APC: variants seen among roughly 807,000 people sequenced by gnomAD.
APC encodes the protein APC regulator of Wnt signaling pathway.
APC carries 72 observed loss-of-function variants against 247.0 expected under a neutral mutation model. That is an observed-to-expected ratio of 0.29 (90% confidence interval 0.24 to 0.35). The LOEUF is 0.35. APC is among the 10% of genes least tolerant of loss of function. The probability of loss-of-function intolerance (pLI) is 1.00; values close to 1 mark genes in which losing one functional copy is unlikely to be tolerated. For missense variants in APC, 3,400 were observed against 3,360.7 expected, an observed-to-expected ratio of 1.01 and a Z score of -0.29; for synonymous variants, 1,254 against 1,162.5, an observed-to-expected ratio of 1.08 and a Z score of -1.60.
At chr5:112,737,820 G>T (rs1581060115), upstream of APC, 2 of 985,068 alleles carry the variant, frequency 2.0e-6, no homozygotes, top group South Asian at 4.7e-5. Context: ...GGAGCCCGCC[G>T]ATTGGCTGGG....
chr5:112,711,005 G>A (rs1388063576), intron 1 of APC, among the ~76,000 whole-genome samples: 2 of 152,286 alleles, frequency 1.3e-5, no homozygotes, highest in East Asian at 1.9e-4. Flanking sequence ...TGTGACCTCC[G>A]AATCACCAAA....
At chr5:112,816,389 A>G (rs1235900008) in intron 9 of APC, among the ~76,000 whole-genome samples, 1 of 152,220 alleles carries the variant, frequency 6.6e-6, no homozygotes, top group Non-Finnish European at 1.5e-5. Flanking sequence ...GGTGAATGGA[A>G]AAATTGTTGA....
rs465899 is a variant in APC at position 112,841,474 on chromosome 5, G to A, written c.5880G>A (p.Pro1960=). 0.63 allele frequency: 1,008,483 copies of A among 1,612,952 alleles called. 318,251 individuals are homozygous for A. Among genetic ancestry groups the A allele is most frequent in the East Asian group, 0.84 (37,588 of 44,848 alleles). ...AGAATTTTGCTATTGAAAATACTCC[G>A]GTTTGCTTTTCTCATAATTCCTCTC... ...KLQNFAIENT[P]VCFSHNSSLS... is the part of the protein sequence containing the mutation. The change falls in exon 16 of 16, where the codon CCG becomes CCA. Residue 1960 remains proline, a synonymous_variant. Transcript: ENST00000257430. This position sits in a 1 kb window ranked among gnomAD's most constrained non-coding sequence, Gnocchi z 4.6.
rs929800912 is a variant in APC at position 112,801,499 on chromosome 5, A to G, written c.834+116A>G. On this transcript the variant is annotated intron_variant, in intron 8 of 15. Coordinates refer to ENST00000257430, the MANE Select transcript of APC (RefSeq NM_000038.6). ...TACCTATTTTCTTAGTCCTGAATGC[A>G]TATTTCCAGAAGCATTCAGTACCAA... is the stretch of plus-strand genomic sequence containing the variant. 16 of 729,582 alleles carry G rather than the reference A, an allele frequency of 2.2e-5. No homozygotes were observed. In the South Asian group the frequency reaches 2.4e-4, roughly 11 times the overall value. The allele number at this position is 729,582 out of a possible 1,614,324, so 45.2% of individuals were successfully genotyped here.
At chr5:112,748,416 A>T (rs796244955) in intron 1 of APC, among the ~76,000 whole-genome samples, 13 of 152,200 alleles carry the variant, frequency 8.5e-5, no homozygotes, top group African/African-American at 2.6e-4. Flanking sequence ...TATTTCTAAG[A>T]TGTTTCTATT....
At chr5:112,805,862 G>A (rs1164714371) in intron 8 of APC, among the ~76,000 whole-genome samples, 2 of 152,116 alleles carry the variant, frequency 1.3e-5, no homozygotes, top group African/African-American at 2.4e-5. Flanking sequence ...CTCTCACCTG[G>A]TTTCCTGCCC....
At chr5:112,715,877 T>C (rs1751141860) in intron 1 of APC, among the ~76,000 whole-genome samples, 2 of 152,186 alleles carry the variant, frequency 1.3e-5, no homozygotes, top group Admixed American at 1.3e-4. Context: ...ATTTTTCCAC[T>C]AAGAATTCTT....
chr5:112,783,989 T>G (rs1580392034), intron 6 of APC, among the ~76,000 whole-genome samples: 1 of 151,998 alleles, frequency 6.6e-6, no homozygotes, highest in East Asian at 1.9e-4. Flanking sequence ...TGCCCGAAAC[T>G]TTATAATTTT....
chr5:112,716,769 A>G (rs1007753767), intron 1 of APC, among the ~76,000 whole-genome samples: 1 of 152,222 alleles, frequency 6.6e-6, no homozygotes, highest in East Asian at 1.9e-4. Flanking sequence ...GTGACTCAAC[A>G]TTATCAAGTT....
chr5:112,714,501 C>G (rs569787829), intron 1 of APC, among the ~76,000 whole-genome samples: 2 of 152,224 alleles, frequency 1.3e-5, no homozygotes, highest in African/African-American at 4.8e-5. Context: ...TCCAGTGGCT[C>G]ACATGAAAAC....
intron 1 of APC, among the ~76,000 whole-genome samples, chr5:112,750,533 C>A (rs910310106): frequency 6.6e-6 from 1 of 151,740 alleles, no homozygotes; most frequent in South Asian, 2.1e-4. Flanking sequence ...TTACATCAGC[C>A]TCATTCTTCT....
At position 112,839,999 on chromosome 5, in the gene APC, C is replaced by G. The variant is rs1060503288; in HGVS notation, c.4405C>G (p.Gln1469Glu). 1 of 1,613,990 alleles carries G rather than the reference C, an allele frequency of 6.2e-7. No individual in the cohort carries two copies. Among genetic ancestry groups the G allele is most frequent in the African/African-American group, 1.3e-5 (1 of 74,886 alleles). Residue 1469 changes from glutamine (Q) to glutamate (E), a missense_variant, in exon 16 of 16, where the codon CAA becomes GAA. Physicochemically the swap from Gln to Glu is conservative, Grantham distance 29. Around this residue, in one of 9 missense-constraint regions of APC, gnomAD observed 1,788 missense variants for 1,649.5 expected, o/e 1.08. Transcript: ENST00000257430. The surrounding 1 kb of genome is among the most constrained non-coding windows in gnomAD (Gnocchi z 5.0). ...TGAAAAGAGAGAGAGTGGACCTAAG[C>G]AAGCTGCAGTAAATGCTGCAGTTCA... ...TAEKRESGPK[Q>E]AAVNAAVQRV...
chr5:112,782,309 C>G (rs942501934), intron 6 of APC, among the ~76,000 whole-genome samples: 2 of 152,258 alleles, frequency 1.3e-5, no homozygotes, highest in Admixed American at 6.5e-5. Flanking sequence ...TTAATTATCT[C>G]CCACTGGGTC....
At chr5:112,754,776 C>A in intron 1 of APC, 97 bp from the exon 2 acceptor site, 2 of 1,135,104 alleles carry the variant, frequency 1.8e-6, no homozygotes, top group African/African-American at 1.6e-5. Context: ...TCTTCTTAAA[C>A]GTCTTAAGAG....
intron 11 of APC, among the ~76,000 whole-genome samples, chr5:112,823,087 A>T (rs1763304958): frequency 6.6e-6 from 1 of 152,212 alleles, no homozygotes; most frequent in African/African-American, 2.4e-5. Flanking sequence ...ATACAATCTC[A>T]GCATTTGTGA....
In APC at chr5:112,844,541, T is replaced by A. The variant is rs200721845; in HGVS notation, c.*415T>A. On this transcript the variant is annotated 3_prime_UTR_variant, in exon 16 of 16. Coordinates refer to ENST00000257430, the MANE Select transcript of APC (RefSeq NM_000038.6). ...AAATTGGTATTTATGCAAAAAAAAATGTTTTTGTCCTTGTGAGTCCATCTA... is the reference window on the plus strand; with the variant it reads ...AAATTGGTATTTATGCAAAAAAAAAAGTTTTTGTCCTTGTGAGTCCATCTA... 2.0e-4 allele frequency: 45 copies of A among 228,190 alleles called. No individual in the cohort carries two copies. Among genetic ancestry groups the A allele is most frequent in the East Asian group, 1.8e-3 (28 of 15,544 alleles). The allele number at this position is 228,190 out of a possible 1,614,324, so 14.1% of individuals were successfully genotyped here.
intron 2 of APC, among the ~76,000 whole-genome samples, chr5:112,755,324 T>C (rs1394280778): frequency 6.6e-6 from 1 of 152,220 alleles, no homozygotes; most frequent in Non-Finnish European, 1.5e-5. Context: ...GTTTTCTGTG[T>C]AGTTCATAGA....
intron 1 of APC, among the ~76,000 whole-genome samples, chr5:112,714,425 A>G (rs4705559): frequency 0.41 from 61,651 of 152,154 alleles, 14,908 homozygotes; most frequent in East Asian, 0.67. Context: ...GACAGAAAAC[A>G]CAAAACTGGC....
intron 11 of APC, among the ~76,000 whole-genome samples, chr5:112,824,117 A>T (rs1763409614): frequency 6.6e-6 from 1 of 152,222 alleles, no homozygotes; most frequent in Non-Finnish European, 1.5e-5. Context: ...ATTCTGTTGA[A>T]TGTCACCTGA....
Sources: gnomAD v4.1 joint callset for allele counts (sites outside exome capture counted in the v4.1 genomes callset) on GRCh38, gnomAD v4.1.1 for gene constraint, gnomAD v4.1.1 regional missense constraint, Gnocchi (gnomAD v3.1) non-coding constraint, MANE v1.5 for transcripts, NCBI Gene and HGNC (gene_info 2026-07-23, HGNC 2026-07-21) for gene names.